The following GRK5 variants were observed in gnomAD, a reference collection of about 807,000 sequenced individuals.
GRK5 encodes the protein G protein-coupled receptor kinase 5, also known as g protein-coupled receptor kinase GRK5.
A neutral mutation model predicts 78.4 loss-of-function variants in GRK5; 40 were observed. The ratio of observed to expected loss-of-function variants is 0.51; its 90% CI spans 0.40 to 0.66. The LOEUF (loss-of-function observed/expected upper bound fraction) is 0.66, where lower values mean the gene tolerates loss of function less well. Among genes scored for constraint, GRK5 ranks in the 30% least tolerant of loss-of-function variants. The pLI is 0.00. For missense variants in GRK5, 598 were observed against 759.9 expected, an observed-to-expected ratio of 0.79 and a Z score of 2.50; for synonymous variants, 289 against 296.8, an observed-to-expected ratio of 0.97 and a Z score of 0.27.
At chr10:119,261,062 G>A (rs1442975506) in intron 1 of GRK5, among the ~76,000 whole-genome samples, 2 of 58,366 alleles carry the variant, frequency 3.4e-5, no homozygotes, top group Non-Finnish European at 4.1e-5. Context: ...CTCCCGGACG[G>A]GGCGGCTGGC....
chr10:119,458,259 C>G lies in GRK5; in HGVS notation c.*3192C>G, dbSNP rs1353887276. On this transcript the variant is annotated 3_prime_UTR_variant, in exon 16 of 16. Transcript: ENST00000392870. ...CATTTCAGGAGATGAGCTGCTGTCCCTGGTGGACAGAGGCGGTCTCTGCCA... is the reference window on the plus strand; with the variant it reads ...CATTTCAGGAGATGAGCTGCTGTCCGTGGTGGACAGAGGCGGTCTCTGCCA... 1 of 152,246 alleles carries G rather than the reference C, an allele frequency of 6.6e-6. No individual in the cohort carries two copies. Among genetic ancestry groups the G allele is most frequent in the Non-Finnish European group, 1.5e-5 (1 of 68,052 alleles). The allele number at this position is 152,246 out of a possible 1,614,324, so 9.4% of individuals were successfully genotyped here. A position where few individuals can be genotyped will look rare whatever the true frequency, so the allele number is the denominator to read the frequency against.
At chr10:119,361,992 A>G (rs1387668815) in intron 2 of GRK5, among the ~76,000 whole-genome samples, 2 of 139,312 alleles carry the variant, frequency 1.4e-5, no homozygotes, top group Non-Finnish European at 3.1e-5. Context: ...AAAAAAAAAG[A>G]ATTGAAAGGC....
In GRK5 at chr10:119,448,106, G is replaced by A; in HGVS notation, c.1267-17G>A. 3 of 1,528,580 alleles carry A rather than the reference G, an allele frequency of 2.0e-6. No homozygotes were observed. Among genetic ancestry groups the A allele is most frequent in the Middle Eastern group, 1.7e-4 (1 of 5,802 alleles). The allele number at this position is 1,528,580 out of a possible 1,614,324, so 94.7% of individuals were successfully genotyped here. A position where few individuals can be genotyped will look rare whatever the true frequency, so the allele number is the denominator to read the frequency against. On this transcript the variant is annotated splice_polypyrimidine_tract_variant and intron_variant, in intron 12 of 15. Transcript: ENST00000392870. ...AGAGGCCCAGGGGACGTGGCTTCAT[G>A]GGGCTCTCTGTTTCAGCTGCTCACG...
At chr10:119,352,192 C>G (rs927414167) in intron 2 of GRK5, among the ~76,000 whole-genome samples, 2 of 152,190 alleles carry the variant, frequency 1.3e-5, no homozygotes, top group Non-Finnish European at 2.9e-5. Context: ...CATGCGTTGG[C>G]TCTTCTGTGT....
rs567059481 is a variant in GRK5 at position 119,392,407 on chromosome 10, C to T, written c.262-4288C>T. 1.2e-4 allele frequency among the ~76,000 whole-genome samples: 19 copies of T among 152,280 alleles called. No individual in the cohort carries two copies. The East Asian group carries it at 2.5e-3, about 20-fold the overall frequency. ...GATTGTCATGGGTGCTCCCTGGCAC[C>T]GTGGCTGTTAGACCTGAGTTCTGGG... On this transcript the variant is annotated intron_variant, in intron 3 of 15. Coordinates refer to ENST00000392870, the MANE Select transcript of GRK5 (RefSeq NM_005308.3).
At chr10:119,251,927 C>T (rs1021888609) in intron 1 of GRK5, among the ~76,000 whole-genome samples, 1 of 152,210 alleles carries the variant, frequency 6.6e-6, no homozygotes, top group Non-Finnish European at 1.5e-5. Flanking sequence ...CCGCCCTGTG[C>T]ATATCCAATC....
intron 1 of GRK5, among the ~76,000 whole-genome samples, chr10:119,223,228 T>G (rs140599554): frequency 2.4e-4 from 36 of 152,280 alleles, no homozygotes; most frequent in African/African-American, 8.4e-4. Context: ...GAGTTATCCT[T>G]TGTATAAGGA....
chr10:119,394,317 GGT>G lies in GRK5; in HGVS notation c.262-2371_262-2370del, dbSNP rs1564917017. 1.3e-3 allele frequency among the ~76,000 whole-genome samples: 26 copies of G among 20,416 alleles called. 2 individuals carry two copies. Among genetic ancestry groups the G allele is most frequent in the African/African-American group, 3.3e-3 (24 of 7,234 alleles). The allele number at this position is 20,416 out of a possible 152,430, so 13.4% of individuals were successfully genotyped here. ...ATCTGTGTGTCTGTGTGGGCACGTG[GGT>G]GTGTGTATCTGTGTGTCTGTGTGTG... is the stretch of plus-strand genomic sequence containing the variant. On this transcript the variant is annotated intron_variant, in intron 3 of 15. Coordinates refer to ENST00000392870, the MANE Select transcript of GRK5 (RefSeq NM_005308.3).
At chr10:119,402,403 A>G (rs1403515064) in intron 4 of GRK5, among the ~76,000 whole-genome samples, 1 of 152,130 alleles carries the variant, frequency 6.6e-6, no homozygotes, top group East Asian at 1.9e-4. Context: ...TCTACCCTCC[A>G]GTTCTACAGC....
chr10:119,410,040 C>G (rs1483596288), intron 4 of GRK5, among the ~76,000 whole-genome samples: 1 of 152,246 alleles, frequency 6.6e-6, no homozygotes, highest in Admixed American at 6.5e-5. Flanking sequence ...CCGGGTCCCG[C>G]GAGCCCCCGC....
intron 2 of GRK5, among the ~76,000 whole-genome samples, chr10:119,360,565 G>A: frequency 6.6e-6 from 1 of 151,466 alleles, no homozygotes; most frequent in South Asian, 2.1e-4. Flanking sequence ...GAAGGAGCCT[G>A]TGTGAGTGGG....
Position 119,430,414 on chromosome 10 carries a change from G to A in GRK5, c.573G>A (p.Val191=). The A allele has an allele frequency of 6.2e-7, 1 of 1,612,958 alleles. No homozygotes were observed. The highest frequency in any genetic ancestry group is 8.5e-7 in the Non-Finnish European group (1 of 1,179,626). ...VTKNTFRQYR[V]LGKGGFGEVC... is the part of the protein sequence containing the mutation. ...AAAACACTTTCAGGCAGTATCGAGT[G>A]CTAGGAAAAGGGGGCTTCGGGGAGG... Residue 191 remains valine (V), a synonymous_variant, in exon 7 of 16, where the codon GTG becomes GTA. Transcript: ENST00000392870. The surrounding 1 kb of genome is among the most constrained non-coding windows in gnomAD (Gnocchi z 4.5).
chr10:119,425,015 G>A lies in GRK5; in HGVS notation c.463G>A (p.Gly155Arg). The A allele has an allele frequency of 2.5e-6, 4 of 1,613,514 alleles. No homozygotes were observed. Among genetic ancestry groups the A allele is most frequent in the Non-Finnish European group, 3.4e-6 (4 of 1,179,510 alleles). Residue 155 changes from glycine to arginine, a missense_variant, in exon 6 of 16, where the codon GGA (glycine) becomes AGA (arginine). Physicochemically the swap from Gly to Arg is moderately radical, Grantham distance 125. Transcript: ENST00000392870. Reference sequence around the variant, plus strand: ...TAGGTCTGTCCACGAGTACCTGAGGGGAGAACCATTCCACGAATATCTGGA... The same window carrying A: ...TAGGTCTGTCCACGAGTACCTGAGGAGAGAACCATTCCACGAATATCTGGA... ...CAQSVHEYLR[G>R]EPFHEYLDSM...
chr10:119,342,337 C>T (rs762719005), intron 2 of GRK5, among the ~76,000 whole-genome samples: 2 of 152,246 alleles, frequency 1.3e-5, no homozygotes, highest in Non-Finnish European at 2.9e-5. Context: ...GGAACATGAG[C>T]TCCAGTGTCA....
chr10:119,374,971 G>A (rs995261765), intron 2 of GRK5, among the ~76,000 whole-genome samples: 3 of 152,132 alleles, frequency 2.0e-5, no homozygotes, highest in African/African-American at 7.2e-5. Flanking sequence ...CCAATTAAAC[G>A]TGTTTTCTAA....
At chr10:119,397,503 G>A (rs1009046629) in intron 4 of GRK5, among the ~76,000 whole-genome samples, 10 of 152,142 alleles carry the variant, frequency 6.6e-5, no homozygotes, top group Admixed American at 2.6e-4. Flanking sequence ...CTCACCTCCC[G>A]GAGGTGTTGA....
At chr10:119,256,594 C>T (rs553987495) in intron 1 of GRK5, among the ~76,000 whole-genome samples, 2 of 151,278 alleles carry the variant, frequency 1.3e-5, no homozygotes, top group African/African-American at 4.9e-5. Flanking sequence ...CCACCCCTCA[C>T]CTCTATCGCA....
chr10:119,434,086 T>A (rs1029301208), intron 8 of GRK5, among the ~76,000 whole-genome samples: 1 of 152,180 alleles, frequency 6.6e-6, no homozygotes, highest in Non-Finnish European at 1.5e-5. Context: ...ACTTATTCAC[T>A]ACTATGAGAA....
intron 1 of GRK5, among the ~76,000 whole-genome samples, chr10:119,258,115 T>C (rs538607673): frequency 1.1e-4 from 17 of 152,288 alleles, no homozygotes; most frequent in Middle Eastern, 3.4e-3. Flanking sequence ...GACTCCCTTG[T>C]AGTTACCTCC....
Sources: gnomAD v4.1 joint callset for allele counts (sites outside exome capture counted in the v4.1 genomes callset) on GRCh38, gnomAD v4.1.1 for gene constraint, Gnocchi (gnomAD v3.1) non-coding constraint, MANE v1.5 for transcripts, NCBI Gene and HGNC (gene_info 2026-07-23, HGNC 2026-07-21) for gene names.